DPP10: variants seen among roughly 807,000 people sequenced by gnomAD.
DPP10 encodes inactive dipeptidyl peptidase 10.
In DPP10, 33 loss-of-function variants were observed where a neutral mutation model predicts 120.9. The ratio of observed to expected loss-of-function variants is 0.27; its 90% CI spans 0.21 to 0.37. The LOEUF (loss-of-function observed/expected upper bound fraction) is 0.37, where lower values mean the gene tolerates loss of function less well. DPP10 is among the 10% of genes least tolerant of loss of function. The pLI is 1.00. For missense variants in DPP10, 816 were observed against 942.8 expected, an observed-to-expected ratio of 0.87 and a Z score of 1.76; for synonymous variants, 337 against 326.1, an observed-to-expected ratio of 1.03 and a Z score of -0.36.
At chr2:114,600,280 A>T (rs1300882003) in intron 1 of DPP10, among the ~76,000 whole-genome samples, 1 of 151,558 alleles carries the variant, frequency 6.6e-6, no homozygotes, top group Middle Eastern at 3.2e-3. Flanking sequence ...AAGCTTACTG[A>T]TTGTTTCTTC....
intron 1 of DPP10, among the ~76,000 whole-genome samples, chr2:115,179,635 T>A (rs2053941548): frequency 6.6e-6 from 1 of 152,228 alleles, no homozygotes; most frequent in African/African-American, 2.4e-5. Flanking sequence ...AATTCTTTTA[T>A]GTTTGCAAAG....
chr2:115,623,035 C>T (rs574754092), intron 5 of DPP10, among the ~76,000 whole-genome samples: 3 of 151,972 alleles, frequency 2.0e-5, no homozygotes, highest in African/African-American at 4.8e-5. Context: ...TTAGTAGAGA[C>T]GGGCTTTCAC....
chr2:115,111,287 G>T (rs927580082), intron 1 of DPP10, among the ~76,000 whole-genome samples: 1 of 149,908 alleles, frequency 6.7e-6, no homozygotes, highest in East Asian at 2.0e-4. Flanking sequence ...AATGCTCATT[G>T]GTTTCCCAGT....
intron 1 of DPP10, among the ~76,000 whole-genome samples, chr2:114,858,714 T>G (rs1689562271): frequency 6.6e-6 from 1 of 152,272 alleles, no homozygotes; most frequent in Non-Finnish European, 1.5e-5. Flanking sequence ...TTATAATATA[T>G]AGAATAATAT....
chr2:115,447,476 G>C (rs2072713524), intron 3 of DPP10, among the ~76,000 whole-genome samples: 2 of 152,150 alleles, frequency 1.3e-5, no homozygotes, highest in Admixed American at 1.3e-4. Context: ...GGGGTGGAAT[G>C]ATATGGTTTG....
chr2:115,097,499 T>A (rs904339383), intron 1 of DPP10, among the ~76,000 whole-genome samples: 1 of 152,216 alleles, frequency 6.6e-6, no homozygotes, highest in Admixed American at 6.5e-5. Context: ...AAAATGAACA[T>A]GTAATACATT....
At chr2:115,395,631 T>C (rs1409854399) in intron 3 of DPP10, among the ~76,000 whole-genome samples, 6 of 152,196 alleles carry the variant, frequency 3.9e-5, no homozygotes, top group South Asian at 4.1e-4. Context: ...CACCTTCTTC[T>C]CTAACTCCTA....
At chr2:115,016,469 A>G (rs188742038) in intron 1 of DPP10, among the ~76,000 whole-genome samples, 1 of 152,212 alleles carries the variant, frequency 6.6e-6, no homozygotes, top group Non-Finnish European at 1.5e-5. Context: ...CAAAAACACC[A>G]AAAGCAATGA....
At chr2:115,451,057 A>T (rs1478221354) in intron 3 of DPP10, among the ~76,000 whole-genome samples, 4 of 151,890 alleles carry the variant, frequency 2.6e-5, no homozygotes, top group African/African-American at 7.2e-5. Context: ...TAAATGGAAA[A>T]GCACAAGATA....
chr2:115,450,241 C>T (rs774456995), intron 3 of DPP10, among the ~76,000 whole-genome samples: 1 of 151,964 alleles, frequency 6.6e-6, no homozygotes. Context: ...AACACAAAGC[C>T]TATTTTATAA....
intron 1 of DPP10, among the ~76,000 whole-genome samples, chr2:115,145,220 T>C (rs557065042): frequency 1.7e-4 from 26 of 152,310 alleles, no homozygotes; most frequent in East Asian, 3.9e-4. Flanking sequence ...TTTTGATTAA[T>C]GTATAATGAC....
Position 115,220,820 on chromosome 2 carries a change from C to T in DPP10, c.61-88419C>T, listed in dbSNP as rs376794659. Among the ~76,000 whole-genome samples, 18 of 152,052 alleles carry T rather than the reference C, an allele frequency of 1.2e-4. No homozygotes were observed. The South Asian group carries it at 3.5e-3, about 30-fold the overall frequency. On this transcript the variant is annotated intron_variant, in intron 1 of 25. Coordinates refer to ENST00000410059, the MANE Select transcript of DPP10 (RefSeq NM_020868.6). ...TTTGCTACTGCTGTGCCATGCACTG[C>T]ACTACATAGCTCACAGAATTTACTT... is the stretch of plus-strand genomic sequence containing the variant.
intron 3 of DPP10, among the ~76,000 whole-genome samples, chr2:115,408,756 AT>A (rs1423283550): frequency 6.6e-6 from 1 of 152,206 alleles, no homozygotes; most frequent in African/African-American, 2.4e-5. Flanking sequence ...TATTAAAAAA[AT>A]CATATGAATA....
intron 1 of DPP10, among the ~76,000 whole-genome samples, chr2:114,767,352 C>T (rs900578126): frequency 1.4e-4 from 20 of 147,324 alleles, no homozygotes; most frequent in East Asian, 3.9e-4. Flanking sequence ...CTAAGAGACA[C>T]GAATGATAGA....
At chr2:114,820,170 G>T (rs1258633735) in intron 1 of DPP10, among the ~76,000 whole-genome samples, 6 of 152,160 alleles carry the variant, frequency 3.9e-5, no homozygotes, top group Non-Finnish European at 7.4e-5. Context: ...GCCAGAGAGA[G>T]TGCAAGATGA....
intron 1 of DPP10, among the ~76,000 whole-genome samples, chr2:114,947,167 C>A (rs1170419820): frequency 1.3e-5 from 2 of 151,896 alleles, no homozygotes; most frequent in East Asian, 3.9e-4. Flanking sequence ...TTTAGTTGAT[C>A]ATTTGCTGCT....
chr2:114,808,830 AC>A, intron 1 of DPP10, among the ~76,000 whole-genome samples: 1 of 152,258 alleles, frequency 6.6e-6, no homozygotes, highest in South Asian at 2.1e-4. Flanking sequence ...GACTTGTGTG[AC>A]CACCAATATA....
chr2:115,734,356 G>A (rs769088097), intron 8 of DPP10, among the ~76,000 whole-genome samples: 3 of 152,042 alleles, frequency 2.0e-5, no homozygotes, highest in Non-Finnish European at 4.4e-5. Flanking sequence ...AAATCTCATA[G>A]AACTTAGAGT....
At chr2:115,301,858 C>G (rs2061153128) in intron 1 of DPP10, among the ~76,000 whole-genome samples, 1 of 151,974 alleles carries the variant, frequency 6.6e-6, no homozygotes, top group Non-Finnish European at 1.5e-5. Flanking sequence ...AAACTAACAC[C>G]ACACAATATA....
Sources: allele counts gnomAD v4.1 joint callset (sites outside exome capture counted in the v4.1 genomes callset), GRCh38; gene constraint gnomAD v4.1.1; transcripts MANE v1.5; gene names NCBI Gene and HGNC (gene_info 2026-07-23, HGNC 2026-07-21).